Variants in DNAH1 observed in about 807,000 individuals in gnomAD.
DNAH1 encodes the protein dynein axonemal heavy chain 1.
A neutral mutation model predicts 484.3 loss-of-function variants in DNAH1; 327 were observed. The ratio of observed to expected loss-of-function variants is 0.68; its 90% CI spans 0.62 to 0.74. The LOEUF is 0.74. Ranked by LOEUF, DNAH1 falls within the 30% of genes least tolerant of loss-of-function variation. The pLI is 0.00. For synonymous variants in DNAH1, 2,192 were observed against 2,191.9 expected, an observed-to-expected ratio of 1.00 and a Z score of 0.00; for missense variants, 5,052 against 5,546.8, an observed-to-expected ratio of 0.91 and a Z score of 2.83.
intron 8 of DNAH1, among the ~76,000 whole-genome samples, chr3:52,333,419 C>T (rs1473424752): frequency 3.6e-5 from 5 of 137,486 alleles, no homozygotes; most frequent in Non-Finnish European, 7.7e-5. Flanking sequence ...TGGAGTTTGA[C>T]TCTTGTCACC....
chr3:52,389,435 T>A (rs748085615), intron 59 of DNAH1, 26 bp from the exon 60 acceptor site: 1 of 1,610,602 alleles, frequency 6.2e-7, no homozygotes, highest in Non-Finnish European at 8.5e-7. Context: ...CATGGTGGGG[T>A]GGTCCTGAGT....
At chr3:52,325,554 G>A (rs533375875) in intron 3 of DNAH1, among the ~76,000 whole-genome samples, 1 of 152,304 alleles carries the variant, frequency 6.6e-6, no homozygotes, top group South Asian at 2.1e-4. Flanking sequence ...CTATCAATGG[G>A]TCTCTCCCCA....
chr3:52,351,136 C>T (rs1354159656), intron 16 of DNAH1, among the ~76,000 whole-genome samples: 3 of 152,242 alleles, frequency 2.0e-5, no homozygotes, highest in Non-Finnish European at 4.4e-5. Flanking sequence ...AGGCGTGAGC[C>T]ACCGCGCCCA....
In DNAH1 at chr3:52,388,299, T is replaced by C; in HGVS notation, c.9136T>C (p.Tyr3046His). The C allele has an allele frequency of 6.2e-7, 1 of 1,602,366 alleles. No homozygotes were observed. Among genetic ancestry groups the C allele is most frequent in the Non-Finnish European group, 8.5e-7 (1 of 1,174,652 alleles). ...CCAGTGGGTGCGCGCCATGCACAAG[T>C]ACCACTTTGTGGCCAAGGCCGTGGA... ...ICQWVRAMHKYHFVAKAVEPK... is the reference protein window; with the variant it reads ...ICQWVRAMHKHHFVAKAVEPK... Residue 3046 changes from tyrosine to histidine, a missense_variant, in exon 57 of 78, where the codon TAC becomes CAC. Coordinates refer to ENST00000420323, the MANE Select transcript of DNAH1 (RefSeq NM_015512.5).
chr3:52,332,099 A>C, intron 7 of DNAH1, 43 bp from the exon 8 acceptor site: 1 of 1,532,570 alleles, frequency 6.5e-7, no homozygotes, highest in East Asian at 2.5e-5. Context: ...CAGCCCAGAA[A>C]GCCTGATTGT....
intron 7 of DNAH1, 147 bp from the exon 8 acceptor site, chr3:52,331,995 C>A: frequency 9.5e-7 from 1 of 1,049,716 alleles, no homozygotes; most frequent in Non-Finnish European, 1.4e-6. Flanking sequence ...GTCGTCATGC[C>A]CATTTCACAG....
rs1268173772 is a variant in DNAH1 at position 52,382,350 on chromosome 3, A to G, written c.7836A>G (p.Leu2612=). 1.9e-6 allele frequency: 3 copies of G among 1,613,896 alleles called. No individual in the cohort carries two copies. The highest frequency in any genetic ancestry group is 2.2e-5 in the South Asian group (2 of 91,084). ...MAEYECFQIE[L]SKNYGMSEWR... ...AGTACGAGTGCTTCCAGATTGAACT[A>G]TCCAAGAACTACGGCATGTCCGAGT... The change falls in exon 50 of 78, where the codon CTA becomes CTG. Residue 2612 remains leucine (L), a synonymous_variant. Transcript: ENST00000420323.
chr3:52,392,875 A>G lies in DNAH1; in HGVS notation c.10324A>G (p.Thr3442Ala), dbSNP rs1704456058. 6.3e-7 allele frequency: 1 copy of G among 1,590,234 alleles called. No individual in the cohort carries two copies. Among genetic ancestry groups the G allele is most frequent in the African/African-American group, 1.4e-5 (1 of 72,416 alleles). The change falls in exon 65 of 78, where the codon ACG becomes GCG. Residue 3442 changes from threonine to alanine, a missense_variant. This residue lies in a region of DNAH1 where 2,929 missense variants were observed against 3,409.4 expected (regional missense o/e 0.86). Coordinates refer to ENST00000420323, the MANE Select transcript of DNAH1 (RefSeq NM_015512.5). ...AEQTEKDIDL[T>A]RMEYIPVAIR... ...GCAGACGGAGAAGGACATCGACCTGACGCGCATGGAGTACATACCCGTGGC... is the reference window on the plus strand; with the variant it reads ...GCAGACGGAGAAGGACATCGACCTGGCGCGCATGGAGTACATACCCGTGGC...
At position 52,398,045 on chromosome 3, in the gene DNAH1, T is replaced by A; in HGVS notation, c.11972T>A (p.Val3991Asp). The A allele has an allele frequency of 6.2e-7, 1 of 1,613,734 alleles. No homozygotes were observed. Among genetic ancestry groups the A allele is most frequent in the Non-Finnish European group, 8.5e-7 (1 of 1,179,790 alleles). Residue 3991 changes from valine to aspartate, a missense_variant, in exon 75 of 78, where the codon GTC becomes GAC. Val to Asp is a radical substitution (Grantham distance 152). This residue lies in a region of DNAH1 where 853 missense variants were observed against 899.0 expected (regional missense o/e 0.95). Coordinates refer to ENST00000420323, the MANE Select transcript of DNAH1 (RefSeq NM_015512.5). ...TTGCCCCTGCAGATAGTGGAGGACG[T>A]CACCCAAAACATTCTGCTCAAGGTG... Reference protein sequence around the residue: ...SQGREEIVEDVTQNILLKVPE... With the variant: ...SQGREEIVEDDTQNILLKVPE...
chr3:52,321,045 C>A (rs1214097795), intron 1 of DNAH1, among the ~76,000 whole-genome samples: 1 of 151,972 alleles, frequency 6.6e-6, no homozygotes. Flanking sequence ...AGTGATCCAC[C>A]CACGTCAGCC....
At position 52,370,831 on chromosome 3, in the gene DNAH1, C is replaced by G; in HGVS notation, c.6525+6C>G. Reference sequence around the variant, plus strand: ...AAGAGGAGGAATACAAGCAGGTGGCCGCAGGCCCTCCCCAGAGACTGCACA... The same window carrying G: ...AAGAGGAGGAATACAAGCAGGTGGCGGCAGGCCCTCCCCAGAGACTGCACA... On this transcript the variant is annotated splice_donor_region_variant and intron_variant, in intron 41 of 77. Transcript: ENST00000420323. 1.3e-6 allele frequency: 2 copies of G among 1,584,872 alleles called. No homozygotes were observed. The highest frequency in any genetic ancestry group is 2.7e-5 in the African/African-American group (2 of 74,400).
Position 52,331,291 on chromosome 3 carries a change from G to A in DNAH1, c.1015G>A (p.Ala339Thr). ...RDEMGRPILN[A>T]GVTTEGRPPL... ...TGAGATGGGGAGGCCCATCCTGAAT[G>A]CAGGGGTCACCACTGAAGGTATGAG... Residue 339 changes from alanine (A) to threonine (T), a missense_variant, in exon 7 of 78, where the codon GCA becomes ACA. Ala to Thr is a moderately conservative substitution (Grantham distance 58). This residue lies in a region of DNAH1 where 1,263 missense variants were observed against 1,218.8 expected (regional missense o/e 1.04). Coordinates refer to ENST00000420323, the MANE Select transcript of DNAH1 (RefSeq NM_015512.5). The A allele has an allele frequency of 6.2e-7, 1 of 1,608,438 alleles. No homozygotes were observed. Among genetic ancestry groups the A allele is most frequent in the Non-Finnish European group, 8.5e-7 (1 of 1,177,668 alleles).
chr3:52,381,599 AAGAG>A lies in DNAH1; in HGVS notation c.7609-37_7609-34del. 1 of 1,542,922 alleles carries A rather than the reference AAGAG, an allele frequency of 6.5e-7. No homozygotes were observed. Among genetic ancestry groups the A allele is most frequent in the African/African-American group, 1.4e-5 (1 of 73,434 alleles). On this transcript the variant is annotated intron_variant, in intron 48 of 77. Transcript: ENST00000420323. The surrounding 1 kb of genome is among the most constrained non-coding windows in gnomAD (Gnocchi z 4.1). ...GGGGGAATCGGGGAGACCCTACAGT[AAGAG>A]AGACCCCGCCTTCCCCATCCTCGCC...
At position 52,395,777 on chromosome 3, in the gene DNAH1, C is replaced by T. The variant is rs979764639; in HGVS notation, c.11259+99C>T. On this transcript the variant is annotated intron_variant, in intron 70 of 77. Coordinates refer to ENST00000420323, the MANE Select transcript of DNAH1 (RefSeq NM_015512.5). The surrounding 1 kb of genome is among the most constrained non-coding windows in gnomAD (Gnocchi z 4.4). Reference sequence around the variant, plus strand: ...AGAGAATCATGCCAAGCACTCTGCCCAGCCTCTAGCACGTGGCAAGTGCTC... The same window carrying T: ...AGAGAATCATGCCAAGCACTCTGCCTAGCCTCTAGCACGTGGCAAGTGCTC... 6.7e-7 allele frequency: 1 copy of T among 1,498,238 alleles called. No individual in the cohort carries two copies. The highest frequency in any genetic ancestry group is 2.5e-5 in the East Asian group (1 of 40,288). 92.8% of individuals were successfully genotyped at this position (1,498,238 alleles called of 1,614,324 possible). A position where few individuals can be genotyped will look rare whatever the true frequency, so the allele number is the denominator to read the frequency against.
At chr3:52,352,753 G>T in intron 18 of DNAH1, 46 bp downstream of exon 18, 1 of 1,582,590 alleles carries the variant, frequency 6.3e-7, no homozygotes, top group Non-Finnish European at 8.6e-7. Flanking sequence ...CAGGCTTGAG[G>T]AAGCAGCTCA....
At chr3:52,332,017 G>T (rs1214605620) in intron 7 of DNAH1, 125 bp from the exon 8 acceptor site, 13 of 1,235,490 alleles carry the variant, frequency 1.1e-5, no homozygotes, top group Non-Finnish European at 1.4e-5. Context: ...TGCAACAGGG[G>T]GTCAGAAGAG....
chr3:52,361,353 G>A lies in DNAH1; in HGVS notation c.4874+1G>A. On this transcript the variant is annotated splice_donor_variant, in intron 29 of 77. Transcript: ENST00000420323. LOFTEE classifies it high-confidence loss of function. The surrounding 1 kb of genome is among the most constrained non-coding windows in gnomAD (Gnocchi z 5.6). ...GCAAGTTCTTCAAGGGCCTGGCCAG[G>A]TGAGGCTGGGCATGAGCGTGGCACA... The A allele has an allele frequency of 6.3e-7, 1 of 1,576,172 alleles. No homozygotes were observed. Among genetic ancestry groups the A allele is most frequent in the East Asian group, 2.3e-5 (1 of 43,278 alleles).
chr3:52,345,433 G>A (rs1387864791), intron 9 of DNAH1, 62 bp from the exon 10 acceptor site: 3 of 1,422,166 alleles, frequency 2.1e-6, no homozygotes, highest in South Asian at 2.5e-5. Context: ...CTGTGGATCT[G>A]TCCTGTCCCC....
chr3:52,323,349 CGAG>C (rs1290665520), intron 2 of DNAH1, among the ~76,000 whole-genome samples: 1 of 151,954 alleles, frequency 6.6e-6, no homozygotes. Context: ...GGGGGAATGA[CGAG>C]GAGAGAATTC....
Sources: allele counts gnomAD v4.1 joint callset (sites outside exome capture counted in the v4.1 genomes callset), GRCh38; gene constraint gnomAD v4.1.1; regional missense constraint gnomAD v4.1.1; non-coding constraint Gnocchi (gnomAD v3.1); transcripts MANE v1.5; gene names NCBI Gene and HGNC (gene_info 2026-07-23, HGNC 2026-07-21).